Variants in FRMD6 observed in about 807,000 individuals in gnomAD.
The protein encoded by FRMD6 is FERM domain containing 6.
In FRMD6, 37 loss-of-function variants were observed where a neutral mutation model predicts 73.2. The ratio of observed to expected loss-of-function variants is 0.51; its 90% CI spans 0.39 to 0.66. FRMD6 has a LOEUF of 0.66. Ranked by LOEUF, FRMD6 falls within the 30% of genes least tolerant of loss-of-function variation. The pLI is 0.00. For missense variants in FRMD6, 714 were observed against 780.5 expected (o/e 0.91, Z 1.02); for synonymous variants, 273 against 282.2 (o/e 0.97, Z 0.33).
chr14:51,401,051 C>G, the FRMD6 span, among the ~76,000 whole-genome samples: 1 of 152,178 alleles, frequency 6.6e-6, no homozygotes, highest in Non-Finnish European at 1.5e-5. Context: ...ATAGCACTTT[C>G]AAATTTTTCT....
At chr14:51,503,777 G>A (rs1409394562) in intron 1 of FRMD6, among the ~76,000 whole-genome samples, 6 of 150,642 alleles carry the variant, frequency 4.0e-5, no homozygotes, top group Admixed American at 2.6e-4. Context: ...CAATTTATTA[G>A]AATAGTTTCA....
At chr14:51,483,767 A>G in the FRMD6 span, among the ~76,000 whole-genome samples, 7 of 152,376 alleles carry the variant, frequency 4.6e-5, no homozygotes, top group African/African-American at 1.7e-4. Context: ...CAAACTATTT[A>G]AAGTCAATAT....
At chr14:51,493,996 G>A (rs1448223188) in intron 1 of FRMD6, among the ~76,000 whole-genome samples, 1 of 152,174 alleles carries the variant, frequency 6.6e-6, no homozygotes, top group Non-Finnish European at 1.5e-5. Flanking sequence ...TCTAACTGGT[G>A]GAAGGTGCTA....
the FRMD6 span, among the ~76,000 whole-genome samples, chr14:51,441,051 G>T: frequency 1.9e-4 from 29 of 152,220 alleles, no homozygotes; most frequent in African/African-American, 6.5e-4. Flanking sequence ...AATATCTTCA[G>T]ATATTGCCAA....
chr14:51,618,635 G>A (rs1404084208), intron 2 of FRMD6, among the ~76,000 whole-genome samples: 2 of 152,150 alleles, frequency 1.3e-5, no homozygotes, highest in African/African-American at 4.8e-5. Context: ...TGAAGGCTGA[G>A]GGCTGAGAGG....
chr14:51,567,981 G>A (rs995048653), intron 1 of FRMD6, among the ~76,000 whole-genome samples: 3 of 152,154 alleles, frequency 2.0e-5, no homozygotes, highest in Admixed American at 6.5e-5. Flanking sequence ...AATGAGTTTC[G>A]TGTCTCGAAG....
the FRMD6 span, among the ~76,000 whole-genome samples, chr14:51,451,872 A>C: frequency 3.9e-5 from 6 of 152,228 alleles, no homozygotes; most frequent in African/African-American, 1.2e-4. Flanking sequence ...GAGTTAAATA[A>C]ATCTCTTTTC....
chr14:51,510,125 G>C (rs1884214865), intron 1 of FRMD6, among the ~76,000 whole-genome samples: 2 of 152,218 alleles, frequency 1.3e-5, no homozygotes, highest in Admixed American at 1.3e-4. Flanking sequence ...GCCATGGAGG[G>C]AGGCAGTTGT....
At chr14:51,708,050 G>T (rs942554317) in intron 6 of FRMD6, 28 bp from the exon 7 acceptor site, 35 of 1,609,166 alleles carry the variant, frequency 2.2e-5, no homozygotes, top group Non-Finnish European at 2.9e-5. Flanking sequence ...AACAAATGTT[G>T]CATTGCACAC....
At chr14:51,620,848 A>G (rs1708915217) in intron 2 of FRMD6, among the ~76,000 whole-genome samples, 1 of 152,122 alleles carries the variant, frequency 6.6e-6, no homozygotes, top group African/African-American at 2.4e-5. Context: ...CAGACATATC[A>G]TTGGTTACAA....
At chr14:51,438,988 T>C in the FRMD6 span, among the ~76,000 whole-genome samples, 3 of 152,224 alleles carry the variant, frequency 2.0e-5, no homozygotes, top group African/African-American at 7.2e-5. Flanking sequence ...TATATAAATC[T>C]GGGTGGGGTA....
At chr14:51,689,579 A>T in intron 1 of FRMD6, 112 bp from the exon 2 acceptor site, 1 of 447,138 alleles carries the variant, frequency 2.2e-6, no homozygotes, top group Admixed American at 3.4e-5. Context: ...CTGGCTGGAG[A>T]TATGCTGTCC....
chr14:51,718,657 A>C (rs189301632), intron 10 of FRMD6, among the ~76,000 whole-genome samples: 16 of 152,260 alleles, frequency 1.1e-4, no homozygotes, highest in Non-Finnish European at 1.9e-4. Context: ...ACATGGATGC[A>C]TTTTTGTTGT....
At chr14:51,718,727 A>G (rs1897369932) in intron 10 of FRMD6, among the ~76,000 whole-genome samples, 1 of 152,130 alleles carries the variant, frequency 6.6e-6, no homozygotes, top group Non-Finnish European at 1.5e-5. Flanking sequence ...GTAGCAACAC[A>G]TACTCACCTT....
the FRMD6 span, among the ~76,000 whole-genome samples, chr14:51,427,281 A>G: frequency 6.6e-6 from 1 of 152,178 alleles, no homozygotes; most frequent in Non-Finnish European, 1.5e-5. Flanking sequence ...GTTGTCTGCC[A>G]TGCATGCAGG....
chr14:51,498,935 C>T (rs1390439864), intron 1 of FRMD6, among the ~76,000 whole-genome samples: 1 of 152,164 alleles, frequency 6.6e-6, no homozygotes, highest in Non-Finnish European at 1.5e-5. Flanking sequence ...CTGCAATTTG[C>T]CCAAGGTCCC....
chr14:51,440,064 A>G, the FRMD6 span, among the ~76,000 whole-genome samples: 449 of 152,332 alleles, frequency 2.9e-3, 4 homozygotes, highest in African/African-American at 0.01. Flanking sequence ...CAGCAGGAAA[A>G]CAAACCCTTG....
At chr14:51,507,718 C>T (rs1288935072) in intron 1 of FRMD6, among the ~76,000 whole-genome samples, 1 of 151,742 alleles carries the variant, frequency 6.6e-6, no homozygotes, top group African/African-American at 2.4e-5. Flanking sequence ...ATTAGAAGTA[C>T]TCCAGAGTGA....
At chr14:51,512,473 A>G (rs1410522391) in intron 1 of FRMD6, among the ~76,000 whole-genome samples, 1 of 152,156 alleles carries the variant, frequency 6.6e-6, no homozygotes, top group Non-Finnish European at 1.5e-5. Context: ...GCTGCAAATC[A>G]TTGTATCCCC....
Sources: gnomAD v4.1 joint callset for allele counts (sites outside exome capture counted in the v4.1 genomes callset) on GRCh38, gnomAD v4.1.1 for gene constraint, MANE v1.5 for transcripts, NCBI Gene and HGNC (gene_info 2026-07-23, HGNC 2026-07-21) for gene names.